The following PTPN13 variants were observed in gnomAD, a reference collection of about 807,000 sequenced individuals.
PTPN13 encodes tyrosine-protein phosphatase non-receptor type 13.
PTPN13 carries 191 observed loss-of-function variants against 284.0 expected under a neutral mutation model. That is an observed-to-expected ratio of 0.67 (90% CI 0.60 to 0.76). The LOEUF (loss-of-function observed/expected upper bound fraction) is 0.76. PTPN13 is among the 30% of genes least tolerant of loss of function. The probability of loss-of-function intolerance (pLI) is 0.00; values close to 1 mark genes in which losing one functional copy is unlikely to be tolerated. For synonymous variants in PTPN13, 986 were observed against 1,022.3 expected, an observed-to-expected ratio of 0.96 and a Z score of 0.68; for missense variants, 2,797 against 2,939.9, an observed-to-expected ratio of 0.95 and a Z score of 1.12.
At chr4:86,629,818 G>A (rs556891414) in intron 1 of PTPN13, among the ~76,000 whole-genome samples, 2 of 151,730 alleles carry the variant, frequency 1.3e-5, no homozygotes, top group African/African-American at 4.8e-5. Flanking sequence ...GAGTGGAGTG[G>A]TGCAATTATA....
chr4:86,692,501 A>C (rs1473652586), intron 5 of PTPN13, among the ~76,000 whole-genome samples: 1 of 152,148 alleles, frequency 6.6e-6, no homozygotes, highest in Non-Finnish European at 1.5e-5. Context: ...GTAAACAAAT[A>C]TGTATGCATG....
At position 86,745,013 on chromosome 4, in the gene PTPN13, C is replaced by T. The variant is rs1217315321; in HGVS notation, c.2535C>T (p.Gly845=). The change falls in exon 17 of 48, where the codon GGC becomes GGT. Residue 845 remains glycine, a synonymous_variant. Transcript: ENST00000411767. The part of the protein sequence containing the change: ...LQNTSDGIKH[G]FQTDNSKICQ... ...ATACATCAGATGGAATAAAACATGG[C>T]TTCCAGACAGACAACAGTAAGATAT... 3 of 1,600,334 alleles carry T rather than the reference C, an allele frequency of 1.9e-6. No homozygotes were observed. The highest frequency in any genetic ancestry group is 1.7e-6 in the Non-Finnish European group (2 of 1,172,842).
chr4:86,717,147 T>C, intron 9 of PTPN13, 30 bp downstream of exon 9: 1 of 1,451,708 alleles, frequency 6.9e-7, no homozygotes, highest in Non-Finnish European at 9.6e-7. Context: ...TGATGATACA[T>C]TTCCAGTGAC....
At chr4:86,650,247 AAAGT>A (rs549189452) in intron 2 of PTPN13, among the ~76,000 whole-genome samples, 1 of 152,164 alleles carries the variant, frequency 6.6e-6, no homozygotes, top group Non-Finnish European at 1.5e-5. Flanking sequence ...TCATCCTCCC[AAAGT>A]GCTGGGATTA....
intron 37 of PTPN13, among the ~76,000 whole-genome samples, chr4:86,783,624 G>T (rs1279243050): frequency 6.6e-6 from 1 of 152,038 alleles, no homozygotes; most frequent in Non-Finnish European, 1.5e-5. Flanking sequence ...TCATAATCCA[G>T]TGATGCTTTT....
intron 47 of PTPN13, among the ~76,000 whole-genome samples, chr4:86,814,243 G>A (rs925321452): frequency 7.3e-5 from 11 of 151,708 alleles, no homozygotes; most frequent in African/African-American, 2.7e-4. Context: ...TTGACCTCGT[G>A]ATCCACCCGC....
At chr4:86,814,393 T>A in intron 47 of PTPN13, 63 bp from the exon 48 acceptor site, 1 of 997,948 alleles carries the variant, frequency 1.0e-6, no homozygotes, top group Non-Finnish European at 1.5e-6. Context: ...GTGGTATAGC[T>A]ATATATATAT....
intron 1 of PTPN13, among the ~76,000 whole-genome samples, chr4:86,608,034 T>G (rs1394278190): frequency 6.6e-6 from 1 of 152,082 alleles, no homozygotes; most frequent in Non-Finnish European, 1.5e-5. Flanking sequence ...AATTTTGTGG[T>G]CATCAAAAAT....
chr4:86,720,969 A>G (rs1578492586), intron 9 of PTPN13, among the ~76,000 whole-genome samples: 1 of 152,068 alleles, frequency 6.6e-6, no homozygotes, highest in Non-Finnish European at 1.5e-5. Flanking sequence ...AAGCCTTTTT[A>G]TGTACTAGCT....
chr4:86,672,335 AT>A (rs1727802227), intron 2 of PTPN13, 29 bp from the exon 3 acceptor site: 1 of 1,474,764 alleles, frequency 6.8e-7, no homozygotes, highest in Admixed American at 2.8e-5. Flanking sequence ...CTTTTTTTTT[AT>A]TTTTTATTTT....
At chr4:86,712,972 T>C (rs1456067493) in intron 7 of PTPN13, among the ~76,000 whole-genome samples, 1 of 151,764 alleles carries the variant, frequency 6.6e-6, no homozygotes, top group African/African-American at 2.4e-5. Flanking sequence ...CACCAAAGAA[T>C]GGAAATTCAG....
At chr4:86,713,176 G>T (rs1287286852) in intron 7 of PTPN13, among the ~76,000 whole-genome samples, 2 of 151,974 alleles carry the variant, frequency 1.3e-5, no homozygotes, top group African/African-American at 4.8e-5. Context: ...AAACCATACT[G>T]CCTGTTTAGA....
intron 3 of PTPN13, among the ~76,000 whole-genome samples, chr4:86,673,637 G>A (rs1181244197): frequency 1.3e-5 from 2 of 152,180 alleles, no homozygotes; most frequent in African/African-American, 2.4e-5. Flanking sequence ...TGATTTTGGA[G>A]GTTAAATTTG....
At chr4:86,709,261 T>C (rs892967506) in intron 7 of PTPN13, among the ~76,000 whole-genome samples, 9 of 152,102 alleles carry the variant, frequency 5.9e-5, no homozygotes, top group South Asian at 2.1e-4. Context: ...CAGGAATCTT[T>C]CTCTCACCTC....
At chr4:86,600,221 T>C (rs1764175803) in intron 1 of PTPN13, among the ~76,000 whole-genome samples, 1 of 152,090 alleles carries the variant, frequency 6.6e-6, no homozygotes, top group Admixed American at 6.6e-5. Context: ...TCAAACTTAA[T>C]GGTATTTGCC....
intron 40 of PTPN13, among the ~76,000 whole-genome samples, chr4:86,788,491 A>G (rs1375032680): frequency 6.6e-6 from 1 of 152,210 alleles, no homozygotes; most frequent in Non-Finnish European, 1.5e-5. Flanking sequence ...AACCATTGGT[A>G]TTACAAAAGT....
At chr4:86,689,865 A>G (rs1328350888) in intron 5 of PTPN13, 1 of 641,532 alleles carries the variant, frequency 1.6e-6, no homozygotes, top group Non-Finnish European at 2.8e-6. Context: ...CTGGATCTAT[A>G]CTTTATCTGC....
intron 7 of PTPN13, among the ~76,000 whole-genome samples, chr4:86,705,333 C>CAAAAA (rs759784072): frequency 2.0e-4 from 19 of 95,358 alleles, no homozygotes; most frequent in African/African-American, 5.2e-4. Context: ...GACTCCGTCT[C>CAAAAA]AAAAAAAAAA....
chr4:86,801,217 T>C (rs1056156922), intron 42 of PTPN13, among the ~76,000 whole-genome samples: 2 of 152,230 alleles, frequency 1.3e-5, no homozygotes, highest in African/African-American at 4.8e-5. Context: ...AATTCTTTAT[T>C]TGCATGGAGA....
Sources: allele counts gnomAD v4.1 joint callset (sites outside exome capture counted in the v4.1 genomes callset), GRCh38; gene constraint gnomAD v4.1.1; transcripts MANE v1.5; gene names NCBI Gene and HGNC (gene_info 2026-07-23, HGNC 2026-07-21).